TRRAP: variants seen among roughly 807,000 people sequenced by gnomAD.
TRRAP encodes the protein transformation/transcription domain associated protein.
In TRRAP, 41 loss-of-function variants were observed where a neutral mutation model predicts 438.8. The observed-to-expected ratio is 0.09, with a 90% CI of 0.07 to 0.12. The LOEUF (loss-of-function observed/expected upper bound fraction) is 0.12, where lower values mean the gene tolerates loss of function less well. TRRAP is among the 10% of genes least tolerant of loss of function. The probability of loss-of-function intolerance (pLI) is 1.00; values close to 1 mark genes in which losing one functional copy is unlikely to be tolerated. For missense variants in TRRAP, 3,122 were observed against 5,055.1 expected (o/e 0.62, Z 11.60); for synonymous variants, 1,994 against 1,962.9 (o/e 1.02, Z -0.42).
chr7:98,901,557 A>G (rs1554406673), intron 11 of TRRAP, among the ~76,000 whole-genome samples: 1 of 152,124 alleles, frequency 6.6e-6, no homozygotes, highest in South Asian at 2.1e-4. Flanking sequence ...TTATTTACTT[A>G]CTATTTTTTG....
intron 20 of TRRAP, among the ~76,000 whole-genome samples, chr7:98,918,509 C>T (rs73155626): frequency 0.026 from 3,985 of 151,708 alleles, 76 homozygotes; most frequent in South Asian, 0.054. Context: ...ATTACAGCCG[C>T]GAGTCACCGT....
chr7:98,958,919 A>G (rs1352600958), intron 44 of TRRAP, among the ~76,000 whole-genome samples: 1 of 152,216 alleles, frequency 6.6e-6, no homozygotes, highest in African/African-American at 2.4e-5. Flanking sequence ...TTATATTTCA[A>G]AGAACCATTG....
At chr7:98,933,119 G>A (rs1194617078) in intron 26 of TRRAP, 122 bp from the exon 27 acceptor site, 17 of 1,319,162 alleles carry the variant, frequency 1.3e-5, no homozygotes, top group South Asian at 6.8e-5. Context: ...TGTATCTCCC[G>A]TTCCCTAATG....
intron 4 of TRRAP, 101 bp from the exon 5 acceptor site, chr7:98,892,323 T>C (rs2116306290): frequency 1.0e-6 from 1 of 954,590 alleles, no homozygotes; most frequent in African/African-American, 1.7e-5. Flanking sequence ...TTCCTAGTGC[T>C]GGGTGTAAAC....
intron 51 of TRRAP, among the ~76,000 whole-genome samples, chr7:98,968,864 A>G (rs1244407625): frequency 6.6e-6 from 1 of 152,214 alleles, no homozygotes; most frequent in South Asian, 2.1e-4. Flanking sequence ...CTGCTCTTCC[A>G]TCACTCGTTC....
chr7:98,920,484 A>AT (rs1491146632), intron 20 of TRRAP, among the ~76,000 whole-genome samples: 7 of 151,916 alleles, frequency 4.6e-5, no homozygotes, highest in African/African-American at 1.7e-4. Flanking sequence ...AAAAAAAAAA[A>AT]GAAAAGAAAA....
At chr7:99,009,931 A>G (rs978373790) in intron 70 of TRRAP, among the ~76,000 whole-genome samples, 1 of 130,078 alleles carries the variant, frequency 7.7e-6, no homozygotes, top group Non-Finnish European at 1.5e-5. Context: ...GTTGTTGCCC[A>G]GGCTGGAGTG....
At chr7:99,009,880 C>CTTT (rs138174570) in intron 70 of TRRAP, among the ~76,000 whole-genome samples, 28 of 96,686 alleles carry the variant, frequency 2.9e-4, no homozygotes, top group East Asian at 6.1e-4. Context: ...TCATTCTTCT[C>CTTT]TTTTTTTTTT....
At chr7:98,930,569 A>T in intron 24 of TRRAP, 64 bp from the exon 25 acceptor site, 1 of 1,596,636 alleles carries the variant, frequency 6.3e-7, no homozygotes, top group Non-Finnish European at 8.6e-7. Context: ...TAAGAGCGAA[A>T]CTCTGTCTCA....
At chr7:98,879,284 C>T (rs1398385646) in intron 1 of TRRAP, among the ~76,000 whole-genome samples, 1 of 152,244 alleles carries the variant, frequency 6.6e-6, no homozygotes, top group Admixed American at 6.5e-5. Flanking sequence ...GGCCAGGGCC[C>T]CCCAGGCTCC....
In TRRAP at chr7:98,956,201, GGC is replaced by G; in HGVS notation, c.5994_5995del (p.Arg1998SerfsTer20). On this transcript the variant is annotated frameshift_variant, in exon 42 of 73. Coordinates refer to ENST00000456197, the MANE Select transcript of TRRAP (RefSeq NM_001375524.1). LOFTEE classifies it high-confidence loss of function. The surrounding 1 kb of genome is among the most constrained non-coding windows in gnomAD (Gnocchi z 4.5). ...CAGCACATGGTGAGCGCCATGCAGA[GGC>G]TGGGCTTCACGCCCAGTGTCACCAT... 1.2e-6 allele frequency: 2 copies of G among 1,613,402 alleles called. No homozygotes were observed. The highest frequency in any genetic ancestry group is 1.7e-6 in the Non-Finnish European group (2 of 1,180,008).
chr7:98,958,515 G>A (rs1791732736), intron 44 of TRRAP, among the ~76,000 whole-genome samples: 1 of 152,150 alleles, frequency 6.6e-6, no homozygotes, highest in Admixed American at 6.5e-5. Flanking sequence ...GGCCAGGCTG[G>A]TCTCGAGCTC....
intron 26 of TRRAP, among the ~76,000 whole-genome samples, 187 bp downstream of exon 26, chr7:98,931,852 AT>A (rs1562947719): frequency 6.6e-6 from 1 of 152,032 alleles, no homozygotes; most frequent in East Asian, 1.9e-4. Flanking sequence ...ATGGTGTGAT[AT>A]TTGTATATAA....
rs1332670615 is a variant in TRRAP at position 99,005,759 on chromosome 7, T to C, written c.10753+411T>C. 6.6e-6 allele frequency among the ~76,000 whole-genome samples: 1 copy of C among 152,024 alleles called. No homozygotes were observed. The highest frequency in any genetic ancestry group is 6.5e-5 in the Admixed American group (1 of 15,284). ...GTGTGGCCTGAGACAATTCTTCCAA[T>C]GTGGCCCAGGGAAGCCAAAAGATTG... On this transcript the variant is annotated intron_variant, in intron 69 of 72. Coordinates refer to ENST00000456197, the MANE Select transcript of TRRAP (RefSeq NM_001375524.1). This position sits in a 1 kb window ranked among gnomAD's most constrained non-coding sequence, Gnocchi z 5.1.
intron 26 of TRRAP, among the ~76,000 whole-genome samples, chr7:98,933,008 A>T (rs1303080237): frequency 5.5e-5 from 8 of 145,992 alleles, no homozygotes; most frequent in Non-Finnish European, 6.0e-5. Context: ...TTTGTTTTGG[A>T]TTTTTTTTTT....
chr7:99,000,393 C>A (rs1269023584), intron 67 of TRRAP, among the ~76,000 whole-genome samples: 1 of 152,164 alleles, frequency 6.6e-6, no homozygotes, highest in Non-Finnish European at 1.5e-5. Flanking sequence ...GGGTAACAGG[C>A]CAAGATGTAG....
rs1584301076 is a variant in TRRAP, at chr7:98,912,032, A to G, written c.2018A>G (p.Asn673Ser). 2 of 1,612,420 alleles carry G rather than the reference A, an allele frequency of 1.2e-6. No homozygotes were observed. Among genetic ancestry groups the G allele is most frequent in the Non-Finnish European group, 8.5e-7 (1 of 1,179,112 alleles). ...TTCTTGTATTGACAGATTGTTGCCA[A>G]TTCCTTCTTGGCAAATCCTACTACC... ...SKNYALQIVANSFLANPTTSA... is the reference protein window; with the variant it reads ...SKNYALQIVASSFLANPTTSA... The change falls in exon 18 of 73, where the codon AAT (asparagine) becomes AGT (serine). Residue 673 changes from asparagine (N) to serine (S), a missense_variant. This residue lies in a region of TRRAP where 149 missense variants were observed against 302.8 expected (regional missense o/e 0.49). Coordinates refer to ENST00000456197, the MANE Select transcript of TRRAP (RefSeq NM_001375524.1).
chr7:98,943,106 G>A, intron 31 of TRRAP, 89 bp downstream of exon 31: 2 of 1,375,690 alleles, frequency 1.5e-6, no homozygotes, highest in South Asian at 1.2e-5. Context: ...TAAAATGCCG[G>A]TCAGAAACCT....
chr7:98,962,528 C>T, intron 47 of TRRAP, 101 bp downstream of exon 47: 1 of 1,588,342 alleles, frequency 6.3e-7, no homozygotes, highest in Non-Finnish European at 8.6e-7. Flanking sequence ...GGTTGTTGGG[C>T]AGAGCTTTGA....
Sources: gnomAD v4.1 joint callset for allele counts (sites outside exome capture counted in the v4.1 genomes callset) on GRCh38, gnomAD v4.1.1 for gene constraint, gnomAD v4.1.1 regional missense constraint, Gnocchi (gnomAD v3.1) non-coding constraint, MANE v1.5 for transcripts, NCBI Gene and HGNC (gene_info 2026-07-23, HGNC 2026-07-21) for gene names.